Variants in MTUS2 observed in about 807,000 individuals in gnomAD.
MTUS2 encodes the protein microtubule-associated tumor suppressor candidate 2.
Under a neutral mutation model 114.1 loss-of-function variants are expected in MTUS2, and 40 were observed. The ratio of observed to expected loss-of-function variants is 0.35; its 90% CI spans 0.27 to 0.46. MTUS2 has a LOEUF of 0.46. MTUS2 is among the 20% of genes least tolerant of loss of function. MTUS2 has a pLI of 1.00. For synonymous variants in MTUS2, 688 were observed against 672.0 expected, an observed-to-expected ratio of 1.02 and a Z score of -0.37; for missense variants, 1,679 against 1,705.4, an observed-to-expected ratio of 0.98 and a Z score of 0.27.
chr13:29,017,562 CA>C (rs1169445753), intron 2 of MTUS2, among the ~76,000 whole-genome samples: 1 of 152,172 alleles, frequency 6.6e-6, no homozygotes, highest in Non-Finnish European at 1.5e-5. Flanking sequence ...AGTATTATGA[CA>C]AATACAAATC....
Position 28,957,573 on chromosome 13 carries a change from A to G in MTUS2, c.-242-66884A>G, listed in dbSNP as rs530058231. On this transcript the variant is annotated intron_variant, in intron 2 of 15. Transcript: ENST00000612955. ...TAGCATTTACATTGTGTTGGGTATT[A>G]CTAGTAATCTAGAGAGGATTTAAAG... Among the ~76,000 whole-genome samples the G allele has an allele frequency of 1.4e-4, 22 of 152,346 alleles. 1 individual carries two copies. The South Asian group carries it at 4.6e-3, about 32-fold the overall frequency.
In MTUS2 at chr13:29,025,766, C is replaced by T. The variant is rs1481688260; in HGVS notation, c.1068C>T (p.Ala356=). The T allele has an allele frequency of 6.2e-7, 1 of 1,613,882 alleles. No individual in the cohort carries two copies. The highest frequency in any genetic ancestry group is 1.3e-5 in the African/African-American group (1 of 74,916). The change falls in exon 3 of 16, where the codon GCC becomes GCT. Residue 356 remains alanine (A), a synonymous_variant. Transcript: ENST00000612955. ...RDPCGEAHPE[A]TDALGHLLNS... is the part of the protein sequence containing the mutation. The stretch of plus-strand genomic sequence containing the variant: ...CATGTGGGGAAGCACACCCGGAAGC[C>T]ACCGATGCACTTGGCCATCTGCTGA...
intron 5 of MTUS2, among the ~76,000 whole-genome samples, chr13:29,264,389 A>G (rs1897590521): frequency 6.6e-6 from 1 of 152,148 alleles, no homozygotes; most frequent in Non-Finnish European, 1.5e-5. Context: ...CTGCCAATGG[A>G]TCTACCATTC....
At chr13:29,435,197 G>T (rs535637695) in intron 8 of MTUS2, among the ~76,000 whole-genome samples, 3 of 152,200 alleles carry the variant, frequency 2.0e-5, no homozygotes, top group African/African-American at 7.2e-5. Context: ...TTCCAGTGAA[G>T]CCTGTCATAG....
intron 11 of MTUS2, 47 bp downstream of exon 11, chr13:29,488,052 C>T: frequency 1.4e-6 from 2 of 1,421,676 alleles, no homozygotes; most frequent in Non-Finnish European, 2.0e-6. Context: ...GTGGTGCAAT[C>T]CGAGCCTTTC....
At chr13:28,872,355 A>C (rs927853981) in intron 2 of MTUS2, among the ~76,000 whole-genome samples, 1 of 152,166 alleles carries the variant, frequency 6.6e-6, no homozygotes, top group Non-Finnish European at 1.5e-5. Flanking sequence ...CATTGGGGGA[A>C]TACTTGGAGA....
At chr13:28,881,569 G>T (rs189091059) in intron 2 of MTUS2, among the ~76,000 whole-genome samples, 26 of 152,286 alleles carry the variant, frequency 1.7e-4, no homozygotes, top group Non-Finnish European at 2.6e-4. Flanking sequence ...TTCCAAAGGG[G>T]TTGTACTAAT....
At chr13:28,994,819 A>G (rs566021397) in intron 2 of MTUS2, among the ~76,000 whole-genome samples, 56 of 152,224 alleles carry the variant, frequency 3.7e-4, no homozygotes, top group African/African-American at 1.3e-3. Flanking sequence ...TCAGATGAGT[A>G]GGTTGCGAAA....
chr13:28,975,489 C>T (rs1047905843), intron 2 of MTUS2, among the ~76,000 whole-genome samples: 8 of 7,120 alleles, frequency 1.1e-3, no homozygotes, highest in Non-Finnish European at 2.1e-3. Context: ...CCCTCCCCTG[C>T]GGCAGCATCG....
At chr13:28,949,319 T>G (rs1882695098) in intron 2 of MTUS2, among the ~76,000 whole-genome samples, 1 of 152,356 alleles carries the variant, frequency 6.6e-6, no homozygotes, top group African/African-American at 2.4e-5. Flanking sequence ...GCCTTGGGGC[T>G]CTGGCTTTTA....
chr13:29,222,057 C>T (rs1029753095), intron 5 of MTUS2, among the ~76,000 whole-genome samples: 2 of 152,242 alleles, frequency 1.3e-5, no homozygotes, highest in Non-Finnish European at 2.9e-5. Flanking sequence ...AAACAATCCT[C>T]CTGCCTCAGC....
At chr13:29,009,527 A>T (rs1418174400) in intron 2 of MTUS2, among the ~76,000 whole-genome samples, 2 of 152,186 alleles carry the variant, frequency 1.3e-5, no homozygotes, top group East Asian at 3.8e-4. Flanking sequence ...AGACAAAACT[A>T]TAAGGATGGA....
chr13:29,218,150 CA>C (rs111986106), intron 5 of MTUS2, among the ~76,000 whole-genome samples: 17 of 145,478 alleles, frequency 1.2e-4, no homozygotes, highest in East Asian at 5.9e-4. Context: ...CAAAACAAAA[CA>C]AAAAAAAAAC....
chr13:29,336,335 TC>T (rs1476513443), intron 7 of MTUS2, among the ~76,000 whole-genome samples: 1 of 152,202 alleles, frequency 6.6e-6, no homozygotes, highest in African/African-American at 2.4e-5. Flanking sequence ...TGTGTGGACG[TC>T]CTTTTTGTTG....
At chr13:29,491,980 G>GGT (rs1165772957) in intron 11 of MTUS2, among the ~76,000 whole-genome samples, 2 of 141,786 alleles carry the variant, frequency 1.4e-5, no homozygotes, top group African/African-American at 5.3e-5. Flanking sequence ...GTGTGTGGTA[G>GGT]GTGTGTGTGG....
At chr13:28,981,943 TTGCTTCCGAG>T (rs1884378432) in intron 2 of MTUS2, among the ~76,000 whole-genome samples, 1 of 152,166 alleles carries the variant, frequency 6.6e-6, no homozygotes, top group Admixed American at 6.5e-5. Context: ...AGCCTGATAA[TTGCTTCCGAG>T]TGCCCCAGCC....
chr13:29,157,776 G>A (rs1011221217), intron 5 of MTUS2, among the ~76,000 whole-genome samples: 2 of 151,884 alleles, frequency 1.3e-5, no homozygotes, highest in South Asian at 4.2e-4. Context: ...ACCTAGGTTA[G>A]GATATATATA....
At chr13:29,093,394 G>T (rs1175164197) in intron 4 of MTUS2, among the ~76,000 whole-genome samples, 1 of 152,128 alleles carries the variant, frequency 6.6e-6, no homozygotes, top group African/African-American at 2.4e-5. Context: ...AGTGAGCCGA[G>T]ATCATGCCAC....
At chr13:29,344,477 T>C (rs1868469518) in intron 7 of MTUS2, among the ~76,000 whole-genome samples, 1 of 152,082 alleles carries the variant, frequency 6.6e-6, no homozygotes, top group Non-Finnish European at 1.5e-5. Context: ...CTCCGGCTCA[T>C]TTTTGGTGTC....
Sources: gnomAD v4.1 joint callset for allele counts (sites outside exome capture counted in the v4.1 genomes callset) on GRCh38, gnomAD v4.1.1 for gene constraint, MANE v1.5 for transcripts, NCBI Gene and HGNC (gene_info 2026-07-23, HGNC 2026-07-21) for gene names.